Variants in TMC1 observed in about 807,000 individuals in gnomAD.
The protein encoded by TMC1 is transmembrane channel like 1.
TMC1 carries 84 observed loss-of-function variants against 105.8 expected under a neutral mutation model. The observed-to-expected ratio is 0.79, with a 90% CI of 0.67 to 0.95. TMC1 has a LOEUF of 0.95. TMC1 is among the 40% of genes least tolerant of loss of function. The pLI, the probability that TMC1 is intolerant of heterozygous loss-of-function variation, is 0.00. For synonymous variants in TMC1, 315 were observed against 311.5 expected (o/e 1.01, Z -0.12); for missense variants, 817 against 914.1 (o/e 0.89, Z 1.37).
chr9:72,771,406 C>A (rs1051910078), intron 12 of TMC1, among the ~76,000 whole-genome samples: 47 of 152,176 alleles, frequency 3.1e-4, no homozygotes, highest in Non-Finnish European at 4.9e-4. Context: ...TTTCTACTTT[C>A]TTTTCCACAC....
intron 1 of TMC1, among the ~76,000 whole-genome samples, chr9:72,552,470 G>C (rs1823874044): frequency 6.6e-6 from 1 of 152,176 alleles, no homozygotes; most frequent in Non-Finnish European, 1.5e-5. Flanking sequence ...ATTGCCTGAA[G>C]TGGGGGTGGA....
In TMC1 at chr9:72,570,230, A is replaced by AGTGTGTGTGTGTGTGTGT. The variant is rs3223165; in HGVS notation, c.-427-7654_-427-7637dup. On this transcript the variant is annotated intron_variant, in intron 1 of 23. Coordinates refer to ENST00000297784, the MANE Select transcript of TMC1 (RefSeq NM_138691.3). ...TGAAAGGGGGTGGGGCTCAAAGAGT[A>AGTGTGTGTGTGTGTGTGT]GTGTGTGTGTGTGTGTGTGTGTGTG... Among the ~76,000 whole-genome samples, 280 of 145,692 alleles carry AGTGTGTGTGTGTGTGTGT rather than the reference A, an allele frequency of 1.9e-3. 3 individuals carry two copies. The highest frequency in any genetic ancestry group is 6.7e-3 in the African/African-American group (267 of 39,742).
intron 2 of TMC1, among the ~76,000 whole-genome samples, chr9:72,584,784 CTTTTTTTTTT>C (rs71357591): frequency 9.6e-4 from 108 of 112,992 alleles, no homozygotes; most frequent in Non-Finnish European, 1.5e-3. Flanking sequence ...CTTTTCTTTT[CTTTTTTTTTT>C]TTTTTTTTGA....
intron 13 of TMC1, among the ~76,000 whole-genome samples, chr9:72,774,802 A>G (rs1243072372): frequency 1.3e-5 from 2 of 152,214 alleles, no homozygotes; most frequent in African/African-American, 4.8e-5. Context: ...AGAATTGATG[A>G]GATATAAATC....
At chr9:72,617,138 A>T (rs1825147589) in intron 3 of TMC1, among the ~76,000 whole-genome samples, 1 of 152,032 alleles carries the variant, frequency 6.6e-6, no homozygotes, top group Non-Finnish European at 1.5e-5. Flanking sequence ...GCAGTCCTGT[A>T]TGTGGTCTCT....
intron 5 of TMC1, among the ~76,000 whole-genome samples, chr9:72,678,774 A>G (rs1264869614): frequency 2.6e-5 from 4 of 151,992 alleles, no homozygotes; most frequent in Admixed American, 6.6e-5. Context: ...TTTCACTTTG[A>G]TGTTCTTCAG....
chr9:72,823,454 G>A (rs1828905139), intron 20 of TMC1, among the ~76,000 whole-genome samples: 1 of 152,188 alleles, frequency 6.6e-6, no homozygotes, highest in Non-Finnish European at 1.5e-5. Flanking sequence ...GGTTACTGGA[G>A]GTATCACAGT....
At chr9:72,546,150 C>CGGCGT (rs1406169102) in intron 1 of TMC1, among the ~76,000 whole-genome samples, 1 of 151,590 alleles carries the variant, frequency 6.6e-6, no homozygotes, top group African/African-American at 2.4e-5. Flanking sequence ...AAAATTAGCC[C>CGGCGT]GGCGTGGTGG....
chr9:72,574,673 A>G (rs1002026107), intron 1 of TMC1, among the ~76,000 whole-genome samples: 1 of 152,198 alleles, frequency 6.6e-6, no homozygotes, highest in Admixed American at 6.5e-5. Context: ...AAGGTCGATA[A>G]TGGTTACTTC....
At chr9:72,826,792 T>G in intron 20 of TMC1, 77 bp from the exon 21 acceptor site, 1 of 1,493,810 alleles carries the variant, frequency 6.7e-7, no homozygotes, top group East Asian at 2.3e-5. Context: ...TGAGAAAGAT[T>G]TCCAGTTTTC....
At chr9:72,814,601 A>G (rs942510611) in intron 18 of TMC1, among the ~76,000 whole-genome samples, 6 of 152,104 alleles carry the variant, frequency 3.9e-5, no homozygotes, top group Non-Finnish European at 8.8e-5. Flanking sequence ...ATTATGTATC[A>G]TCCTATCATT....
At chr9:72,581,790 G>A (rs1019347090) in intron 2 of TMC1, among the ~76,000 whole-genome samples, 1 of 152,090 alleles carries the variant, frequency 6.6e-6, no homozygotes, top group Non-Finnish European at 1.5e-5. Flanking sequence ...TTTTAGGGGT[G>A]AACACTTCAC....
rs367859335 is a variant in TMC1, at chr9:72,694,749, A to G, written c.236+35A>G. 757 of 1,576,090 alleles carry G rather than the reference A, an allele frequency of 4.8e-4. 1 individual carries two copies. The highest frequency in any genetic ancestry group is 5.9e-4 in the Non-Finnish European group (685 of 1,159,592). The stretch of plus-strand genomic sequence containing the variant: ...TTCTGATATTCTTTCAAAAGTTCCA[A>G]TGCTGAAGAAGATCACTCCTTTCAG... On this transcript the variant is annotated intron_variant, in intron 7 of 23. Transcript: ENST00000297784.
intron 1 of TMC1, among the ~76,000 whole-genome samples, chr9:72,542,236 G>A (rs910390268): frequency 1.3e-5 from 2 of 152,134 alleles, no homozygotes; most frequent in Non-Finnish European, 2.9e-5. Flanking sequence ...TGAGGTGGGA[G>A]GATCACCTGA....
At chr9:72,535,297 G>C (rs1487485539) in intron 1 of TMC1, among the ~76,000 whole-genome samples, 1 of 152,222 alleles carries the variant, frequency 6.6e-6, no homozygotes, top group Non-Finnish European at 1.5e-5. Flanking sequence ...AGAGCTGCTA[G>C]AAGTCATCCT....
chr9:72,756,983 G>T (rs1291956595), intron 12 of TMC1, among the ~76,000 whole-genome samples: 1 of 152,156 alleles, frequency 6.6e-6, no homozygotes, highest in Non-Finnish European at 1.5e-5. Context: ...GCCCTTGACA[G>T]CTCTCTCACA....
intron 2 of TMC1, among the ~76,000 whole-genome samples, chr9:72,614,749 C>T (rs554646791): frequency 3.3e-5 from 5 of 152,258 alleles, no homozygotes; most frequent in African/African-American, 7.2e-5. Context: ...GGCGTGATCT[C>T]GGTTCACTGT....
At chr9:72,691,216 C>T (rs1294842194) in intron 6 of TMC1, among the ~76,000 whole-genome samples, 1 of 152,098 alleles carries the variant, frequency 6.6e-6, no homozygotes, top group Non-Finnish European at 1.5e-5. Context: ...TGTTGAAACT[C>T]ATACTTTGTT....
At chr9:72,713,404 T>C (rs1826867316) in intron 8 of TMC1, among the ~76,000 whole-genome samples, 1 of 152,192 alleles carries the variant, frequency 6.6e-6, no homozygotes, top group African/African-American at 2.4e-5. Flanking sequence ...TGTCTGGTCC[T>C]GGACTTTTTG....
Sources: gnomAD v4.1 joint callset for allele counts (sites outside exome capture counted in the v4.1 genomes callset) on GRCh38, gnomAD v4.1.1 for gene constraint, MANE v1.5 for transcripts, NCBI Gene and HGNC (gene_info 2026-07-23, HGNC 2026-07-21) for gene names.